PPP2R3A: variants seen among roughly 807,000 people sequenced by gnomAD.
PPP2R3A encodes the protein protein phosphatase 2 regulatory subunit B''alpha, also known as serine/threonine-protein phosphatase 2A regulatory subunit B'' subunit alpha.
Under a neutral mutation model 106.9 loss-of-function variants are expected in PPP2R3A, and 80 were observed. That is an observed-to-expected ratio of 0.75 (90% CI 0.62 to 0.90). PPP2R3A has a LOEUF of 0.90. Ranked by LOEUF, PPP2R3A falls within the 40% of genes least tolerant of loss-of-function variation. The pLI, the probability that PPP2R3A is intolerant of heterozygous loss-of-function variation, is 0.00. For missense variants in PPP2R3A, 1,386 were observed against 1,350.4 expected (o/e 1.03, Z -0.41); for synonymous variants, 483 against 468.3 (o/e 1.03, Z -0.41).
chr3:136,090,646 A>G lies in PPP2R3A; in HGVS notation c.2906A>G (p.Glu969Gly), dbSNP rs111936000. Reference protein sequence around the residue: ...ADFVWFLISEEDKRNPTSIEY... With the variant: ...ADFVWFLISEGDKRNPTSIEY... ...TTTGTTTGGTTTTTGATCTCTGAAGAAGACAAAAGGAATCCTACCAGGTAT... is the reference window on the plus strand; with the variant it reads ...TTTGTTTGGTTTTTGATCTCTGAAGGAGACAAAAGGAATCCTACCAGGTAT... Residue 969 changes from glutamate (E) to glycine (G), a missense_variant, in exon 10 of 14, where the codon GAA (glutamate) becomes GGA (glycine). Coordinates refer to ENST00000264977, the MANE Select transcript of PPP2R3A (RefSeq NM_002718.5). 1 of 1,613,118 alleles carries G rather than the reference A, an allele frequency of 6.2e-7. No homozygotes were observed. Among genetic ancestry groups the G allele is most frequent in the Non-Finnish European group, 8.5e-7 (1 of 1,179,242 alleles).
At chr3:136,041,527 G>T (rs1283644314) in intron 4 of PPP2R3A, among the ~76,000 whole-genome samples, 2 of 152,018 alleles carry the variant, frequency 1.3e-5, no homozygotes, top group South Asian at 2.1e-4. Flanking sequence ...GAGATTATAG[G>T]TGTGAACCCC....
Position 136,102,047 on chromosome 3 carries a change from G to C in PPP2R3A, c.2968G>C (p.Gly990Arg). The C allele has an allele frequency of 6.2e-7, 1 of 1,613,920 alleles. No homozygotes were observed. Among genetic ancestry groups the C allele is most frequent in the Non-Finnish European group, 8.5e-7 (1 of 1,179,892 alleles). ...WFRCMDVDGD[G>R]VLSMYELEYF... is the part of the protein sequence containing the mutation. ...CCGCTGCATGGATGTGGATGGAGAC[G>C]GTGTACTCTCCATGTATGAGCTGGA... The change falls in exon 11 of 14, where the codon GGT (glycine) becomes CGT (arginine). Residue 990 changes from glycine to arginine, a missense_variant. Transcript: ENST00000264977.
intron 1 of PPP2R3A, among the ~76,000 whole-genome samples, chr3:135,980,983 A>G (rs1387790901): frequency 1.3e-5 from 2 of 151,918 alleles, no homozygotes; most frequent in Non-Finnish European, 2.9e-5. Flanking sequence ...TCCAGTCATC[A>G]GTACATGTAT....
intron 2 of PPP2R3A, among the ~76,000 whole-genome samples, chr3:136,005,107 A>C (rs879772209): frequency 1.3e-5 from 2 of 152,190 alleles, no homozygotes; most frequent in Non-Finnish European, 2.9e-5. Flanking sequence ...CACAAGTGGA[A>C]AATTCTGCAC....
intron 1 of PPP2R3A, among the ~76,000 whole-genome samples, chr3:135,995,973 G>T (rs1325206901): frequency 6.6e-6 from 1 of 152,134 alleles, no homozygotes; most frequent in African/African-American, 2.4e-5. Flanking sequence ...TCTTAAAAGA[G>T]TGTTCTGCTA....
chr3:136,091,771 A>G (rs1937098828), intron 10 of PPP2R3A, among the ~76,000 whole-genome samples: 1 of 152,254 alleles, frequency 6.6e-6, no homozygotes, highest in South Asian at 2.1e-4. Flanking sequence ...GAAGAAAAAT[A>G]AATTTTAATA....
At chr3:136,090,528 T>C in intron 9 of PPP2R3A, 50 bp from the exon 10 acceptor site, 1 of 1,436,174 alleles carries the variant, frequency 7.0e-7, no homozygotes, top group Non-Finnish European at 9.8e-7. Context: ...TCCTGATAAA[T>C]GGTTCTGAGT....
At position 136,006,490 on chromosome 3, in the gene PPP2R3A, A is replaced by T. The variant is rs527309563; in HGVS notation, c.1995+2997A>T. ...GGCTTTATGGGTCAGAGTCTCTGTC[A>T]TGTAGTCTTATTTGCCCTTTGCAAG... On this transcript the variant is annotated intron_variant, in intron 2 of 13. Coordinates refer to ENST00000264977, the MANE Select transcript of PPP2R3A (RefSeq NM_002718.5). 5.9e-5 allele frequency among the ~76,000 whole-genome samples: 9 copies of T among 152,310 alleles called. No individual in the cohort carries two copies. The East Asian group carries it at 1.7e-3, about 29-fold the overall frequency.
At position 136,137,930 on chromosome 3, in the gene PPP2R3A, C is replaced by A. The variant is rs1037747924; in HGVS notation, c.3330-7113C>A. On this transcript the variant is annotated intron_variant, in intron 13 of 13. Transcript: ENST00000264977. ...CCAGCCAGAAACCCATTAGAGCAAT[C>A]GTCCAGGAATGTAACTAGTGAGAAG... Among the ~76,000 whole-genome samples, 9 of 152,048 alleles carry A rather than the reference C, an allele frequency of 5.9e-5. 1 individual carries two copies. The highest frequency in any genetic ancestry group is 1.2e-4 in the Non-Finnish European group (8 of 68,026).
intron 1 of PPP2R3A, among the ~76,000 whole-genome samples, chr3:135,998,502 G>A (rs571672172): frequency 3.3e-5 from 5 of 152,068 alleles, no homozygotes; most frequent in African/African-American, 1.2e-4. Flanking sequence ...TTAAAGAGAG[G>A]AATCAGTCCA....
intron 3 of PPP2R3A, among the ~76,000 whole-genome samples, chr3:136,028,820 G>T (rs1484483973): frequency 2.6e-5 from 4 of 152,054 alleles, no homozygotes; most frequent in Admixed American, 6.5e-5. Flanking sequence ...TGCCAACAGG[G>T]TTGTTGTTGT....
At chr3:135,984,968 C>A (rs1448016831) in intron 1 of PPP2R3A, among the ~76,000 whole-genome samples, 1 of 152,048 alleles carries the variant, frequency 6.6e-6, no homozygotes, top group Non-Finnish European at 1.5e-5. Context: ...TCTCATGAGA[C>A]CCATTCACTG....
chr3:136,026,639 G>A, intron 2 of PPP2R3A, among the ~76,000 whole-genome samples, 193 bp from the exon 3 acceptor site: 1 of 152,010 alleles, frequency 6.6e-6, no homozygotes, highest in Admixed American at 6.6e-5. Context: ...TTGAGTACTG[G>A]CAGATAATTA....
intron 5 of PPP2R3A, among the ~76,000 whole-genome samples, chr3:136,060,311 A>G (rs778530041): frequency 6.6e-6 from 1 of 152,238 alleles, no homozygotes; most frequent in South Asian, 2.1e-4. Context: ...AAATCTAAAA[A>G]TGGTAAACTC....
At chr3:136,023,596 A>G (rs1405069565) in intron 2 of PPP2R3A, among the ~76,000 whole-genome samples, 1 of 152,166 alleles carries the variant, frequency 6.6e-6, no homozygotes, top group African/African-American at 2.4e-5. Context: ...ACTTTGAATC[A>G]ATAGATTATA....
intron 13 of PPP2R3A, among the ~76,000 whole-genome samples, chr3:136,116,091 T>C (rs561885757): frequency 6.6e-6 from 1 of 152,148 alleles, no homozygotes; most frequent in Non-Finnish European, 1.5e-5. Flanking sequence ...GGGACTGATA[T>C]TCAACATTCT....
chr3:136,057,983 G>GA (rs1935933445), intron 5 of PPP2R3A, among the ~76,000 whole-genome samples: 1 of 151,956 alleles, frequency 6.6e-6, no homozygotes, highest in African/African-American at 2.4e-5. Flanking sequence ...GTATGTTGAA[G>GA]AAATATCTAC....
At chr3:135,968,435 C>T (rs1937151585) in intron 1 of PPP2R3A, among the ~76,000 whole-genome samples, 1 of 152,052 alleles carries the variant, frequency 6.6e-6, no homozygotes, top group Non-Finnish European at 1.5e-5. Context: ...GTGAAGCTCA[C>T]GGGAACAATA....
intron 4 of PPP2R3A, among the ~76,000 whole-genome samples, chr3:136,048,296 A>G (rs1434382441): frequency 6.6e-6 from 1 of 152,154 alleles, no homozygotes; most frequent in Non-Finnish European, 1.5e-5. Flanking sequence ...CATTTGTGCA[A>G]CCACAAGTGC....
Sources: allele counts gnomAD v4.1 joint callset (sites outside exome capture counted in the v4.1 genomes callset), GRCh38; gene constraint gnomAD v4.1.1; transcripts MANE v1.5; gene names NCBI Gene and HGNC (gene_info 2026-07-23, HGNC 2026-07-21).